Variants in SGSH observed in about 807,000 individuals in gnomAD.
SGSH encodes N-sulfoglucosamine sulfohydrolase.
A neutral mutation model predicts 51.0 loss-of-function variants in SGSH; 48 were observed. The ratio of observed to expected loss-of-function variants is 0.94; its 90% confidence interval spans 0.75 to 1.20. The LOEUF is 1.20. SGSH is among the 50% of genes most tolerant of loss of function. The pLI is 0.00. For synonymous variants in SGSH, 321 were observed against 313.4 expected, an observed-to-expected ratio of 1.02 and a Z score of -0.26; for missense variants, 662 against 717.8, an observed-to-expected ratio of 0.92 and a Z score of 0.89.
chr17:80,201,924 CT>C (rs2144437012), downstream of SGSH: 4 of 1,551,492 alleles, frequency 2.6e-6, no homozygotes, highest in Admixed American at 5.7e-5. The surrounding 1 kb of genome is among the most constrained non-coding windows in gnomAD (Gnocchi z 5.0). Flanking sequence ...CTCCATGACC[CT>C]TAAGTCCCTG....
In SGSH at chr17:80,212,307, C is replaced by A. The variant is rs755816561; in HGVS notation, c.746-33G>T. On this transcript the variant is annotated intron_variant, in intron 6 of 7. Coordinates refer to ENST00000326317, the MANE Select transcript of SGSH (RefSeq NM_000199.5). This position sits in a 1 kb window ranked among gnomAD's most constrained non-coding sequence, Gnocchi z 5.9. Reference sequence around the variant, plus strand: ...GAGGGGCCGAGAAGCAGAGCTCAGCCGCAGACACGGAGGGAGGCAGCGGGT... The same window carrying A: ...GAGGGGCCGAGAAGCAGAGCTCAGCAGCAGACACGGAGGGAGGCAGCGGGT... 7 of 1,565,962 alleles carry A rather than the reference C, an allele frequency of 4.5e-6. No individual in the cohort carries two copies. In the African/African-American group the frequency reaches 9.5e-5, roughly 21 times the overall value.
At chr17:80,215,825 T>C (rs2041870452) in intron 2 of SGSH, among the ~76,000 whole-genome samples, 1 of 151,744 alleles carries the variant, frequency 6.6e-6, no homozygotes, top group South Asian at 2.1e-4. Flanking sequence ...AGAACAAGTG[T>C]CCTTAAACAC....
chr17:80,210,455 C>T lies in SGSH; in HGVS notation c.1506G>A (p.Leu502=), dbSNP rs1461076189. Residue 502 remains leucine, a synonymous_variant, in exon 8 of 8, where the codon CTG becomes CTA. Transcript: ENST00000326317. ...SPQCQPLHNE[L] is the part of the protein sequence containing the mutation. ...GTGCACAGGCCTCCTGGGATGGTCA[C>T]AGCTCATTGTGGAGGGGCTGGCACT... The T allele has an allele frequency of 6.3e-7, 1 of 1,593,720 alleles. No individual in the cohort carries two copies.
chr17:80,205,057 C>G (rs770965110), downstream of SGSH: 4 of 1,604,618 alleles, frequency 2.5e-6, no homozygotes, highest in Non-Finnish European at 2.6e-6. Context: ...GCTTCTGGGC[C>G]GAGAGCTGCC....
downstream of SGSH, chr17:80,208,273 G>A (rs1177595649): frequency 6.3e-6 from 10 of 1,596,556 alleles, no homozygotes; most frequent in South Asian, 1.1e-5. Context: ...TGGACGGCCT[G>A]CTCAGCTGTG....
At chr17:80,215,237 C>T (rs535434231) in intron 2 of SGSH, 99 bp from the exon 3 acceptor site, 108 of 848,828 alleles carry the variant, frequency 1.3e-4, no homozygotes, top group Non-Finnish European at 1.9e-4. Context: ...GGGGCCTTCT[C>T]GGGGCCCTGA....
chr17:80,216,189 C>A (rs189437256), intron 2 of SGSH, among the ~76,000 whole-genome samples: 7 of 152,050 alleles, frequency 4.6e-5, no homozygotes, highest in African/African-American at 1.7e-4. Flanking sequence ...ATTAGACAGG[C>A]GTGGTGGCGC....
the SGSH span, chr17:80,201,711 G>A: frequency 6.2e-7 from 1 of 1,613,192 alleles, no homozygotes. This position sits in a 1 kb window ranked among gnomAD's most constrained non-coding sequence, Gnocchi z 5.0. Flanking sequence ...GAGTCCCGGG[G>A]GAAAGAGACT....
At chr17:80,206,817 CT>C, downstream of SGSH, 1 of 446,526 alleles carries the variant, frequency 2.2e-6, no homozygotes, top group Non-Finnish European at 4.0e-6. Flanking sequence ...GTGGCAAGCT[CT>C]ATTCCCTCAT....
chr17:80,214,484 C>T (rs1057513414), intron 4 of SGSH, 131 bp downstream of exon 4: 10 of 1,294,992 alleles, frequency 7.7e-6, no homozygotes, highest in Non-Finnish European at 1.1e-5. Context: ...ACCAGGCTAA[C>T]TCGAGTACCT....
rs1289638392 is a variant in SGSH, at chr17:80,213,832, C to A, written c.717G>T (p.Gln239His). The change falls in exon 6 of 8, where the codon CAG becomes CAT. Residue 239 changes from glutamine to histidine, a missense_variant. Gln to His is a conservative substitution (Grantham distance 24). Coordinates refer to ENST00000326317, the MANE Select transcript of SGSH (RefSeq NM_000199.5). This position sits in a 1 kb window ranked among gnomAD's most constrained non-coding sequence, Gnocchi z 4.6. Reference protein sequence around the residue: ...TPAARADLAAQYTTVGRMDQG... With the variant: ...TPAARADLAAHYTTVGRMDQG... ...GGTCCATGCGGCCGACGGTGGTGTA[C>A]TGAGCGGCCAGGTCGGCTCGGGCTG... 4 of 1,608,156 alleles carry A rather than the reference C, an allele frequency of 2.5e-6. No homozygotes were observed. Among genetic ancestry groups the A allele is most frequent in the Non-Finnish European group, 2.5e-6 (3 of 1,179,110 alleles).
Position 80,209,921 on chromosome 17 carries a change from T to A in SGSH, c.*531A>T. 1.2e-5 allele frequency: 12 copies of A among 998,262 alleles called. No individual in the cohort carries two copies. The highest frequency in any genetic ancestry group is 1.4e-5 in the Non-Finnish European group (12 of 836,316). The allele number at this position is 998,262 out of a possible 1,614,324, so 61.8% of individuals were successfully genotyped here. A position where few individuals can be genotyped will look rare whatever the true frequency, so the allele number is the denominator to read the frequency against. ...CCAAAGGTCGCTCAAAGGCTTCCTC[T>A]AGGCCAGACGCTGGTAAGAGCCAGG... On this transcript the variant is annotated 3_prime_UTR_variant, in exon 8 of 8. Coordinates refer to ENST00000326317, the MANE Select transcript of SGSH (RefSeq NM_000199.5).
intron 3 of SGSH, 69 bp downstream of exon 3, chr17:80,214,964 G>A (rs1401639954): frequency 1.7e-5 from 25 of 1,438,950 alleles, no homozygotes; most frequent in Middle Eastern, 3.6e-4. Context: ...ACAAGGTGCC[G>A]AACCTCCTGG....
rs183370893 is a variant in SGSH at position 80,214,456 on chromosome 17, A to G, written c.507-128T>C. The G allele has an allele frequency of 6.8e-6, 9 of 1,325,880 alleles. No individual in the cohort carries two copies. In the Admixed American group the frequency reaches 1.1e-4, roughly 16 times the overall value. 82.1% of individuals were successfully genotyped at this position (1,325,880 alleles called of 1,614,324 possible). A position where few individuals can be genotyped will look rare whatever the true frequency, so the allele number is the denominator to read the frequency against. ...TGACCCTCACTGCCTCAGTTTCCCC[A>G]CGTCCCTTCTCCCTCTGACCAGGCT... On this transcript the variant is annotated intron_variant, in intron 4 of 7. Coordinates refer to ENST00000326317, the MANE Select transcript of SGSH (RefSeq NM_000199.5).
intron 7 of SGSH, chr17:80,211,232 T>A: frequency 1.5e-6 from 2 of 1,362,108 alleles, no homozygotes; most frequent in South Asian, 3.0e-5. Context: ...ACATTTAGGA[T>A]CCTTCTAAAA....
At chr17:80,202,452 C>T, downstream of SGSH, 7 of 1,599,296 alleles carry the variant, frequency 4.4e-6, no homozygotes, top group Non-Finnish European at 6.0e-6. Context: ...GGTGCGTCCC[C>T]AGAGAGGCCC....
At position 80,210,591 on chromosome 17, in the gene SGSH, A is replaced by T. The variant is rs1386803999; in HGVS notation, c.1370T>A (p.Phe457Tyr). 6.2e-7 allele frequency: 1 copy of T among 1,613,306 alleles called. No homozygotes were observed. The highest frequency in any genetic ancestry group is 8.5e-7 in the Non-Finnish European group (1 of 1,179,916). Residue 457 changes from phenylalanine to tyrosine, a missense_variant, in exon 8 of 8, where the codon TTT becomes TAT. Coordinates refer to ENST00000326317, the MANE Select transcript of SGSH (RefSeq NM_000199.5). The stretch of plus-strand genomic sequence containing the variant: ...CCGAAGCATCTCCAGAAGCTGAGCA[A>T]AGCGCGGGTCGGTGGCCAGGTTCTG... ...ETQNLATDPR[F>Y]AQLLEMLRDQ...
downstream of SGSH, chr17:80,208,119 C>A (rs111745899): frequency 0.14 from 209,093 of 1,500,924 alleles, 16,107 homozygotes; most frequent in Non-Finnish European, 0.15. Context: ...CCCGCCCCCC[C>A]CAACTCTGGC....
chr17:80,213,936 G>A lies in SGSH; in HGVS notation c.664-51C>T, dbSNP rs772935365. 7.8e-6 allele frequency: 12 copies of A among 1,536,246 alleles called. No homozygotes were observed. The Admixed American group carries it at 9.3e-5, about 12-fold the overall frequency. On this transcript the variant is annotated intron_variant, in intron 5 of 7. Coordinates refer to ENST00000326317, the MANE Select transcript of SGSH (RefSeq NM_000199.5). This position sits in a 1 kb window ranked among gnomAD's most constrained non-coding sequence, Gnocchi z 4.6. ...CTTAGAACAGACAGACCGGGGGAGC[G>A]GTGTCCAGCCTTCTCCCCGGGGCCT...
Sources: allele counts gnomAD v4.1 joint callset (sites outside exome capture counted in the v4.1 genomes callset), GRCh38; gene constraint gnomAD v4.1.1; non-coding constraint Gnocchi (gnomAD v3.1); transcripts MANE v1.5; gene names NCBI Gene and HGNC (gene_info 2026-07-23, HGNC 2026-07-21).